PDE4D: variants seen among roughly 807,000 people sequenced by gnomAD.
The protein encoded by PDE4D is phosphodiesterase 4D.
In PDE4D, 24 loss-of-function variants were observed where a neutral mutation model predicts 87.4. The ratio of observed to expected loss-of-function variants is 0.27; its 90% CI spans 0.20 to 0.39. The LOEUF (loss-of-function observed/expected upper bound fraction) is 0.39. PDE4D is among the 10% of genes least tolerant of loss of function. The pLI is 1.00. For synonymous variants in PDE4D, 384 were observed against 383.2 expected (o/e 1.00, Z -0.02); for missense variants, 714 against 1,041.0 (o/e 0.69, Z 4.32).
intron 1 of PDE4D, among the ~76,000 whole-genome samples, chr5:59,535,462 A>T (rs1815027426): frequency 6.6e-6 from 1 of 152,198 alleles, no homozygotes; most frequent in Non-Finnish European, 1.5e-5. Flanking sequence ...ATCTGTTGTG[A>T]TGCTAATGAA....
At chr5:60,427,934 A>AGG (rs1022168618) in intron 1 of PDE4D, among the ~76,000 whole-genome samples, 3 of 151,914 alleles carry the variant, frequency 2.0e-5, no homozygotes, top group African/African-American at 7.3e-5. Flanking sequence ...AAAATTAACT[A>AGG]GGTGTGGTGG....
At chr5:59,633,587 C>T (rs1831849465) in intron 1 of PDE4D, among the ~76,000 whole-genome samples, 1 of 152,204 alleles carries the variant, frequency 6.6e-6, no homozygotes, top group Non-Finnish European at 1.5e-5. Flanking sequence ...CAATATTCAA[C>T]ATTCTTAAAG....
intron 5 of PDE4D, chr5:59,063,108 A>G (rs1381344806): frequency 1.3e-5 from 2 of 152,184 alleles, no homozygotes; most frequent in Non-Finnish European, 2.9e-5. Flanking sequence ...TGGCCCATGG[A>G]GTACAACCAC....
chr5:60,378,400 C>T (rs1228421537), intron 1 of PDE4D, among the ~76,000 whole-genome samples: 5 of 152,142 alleles, frequency 3.3e-5, no homozygotes, highest in African/African-American at 1.2e-4. Flanking sequence ...CGTTCAATAT[C>T]CTCTAATCAC....
At chr5:60,474,556 A>C (rs1748160854) in intron 1 of PDE4D, among the ~76,000 whole-genome samples, 1 of 152,200 alleles carries the variant, frequency 6.6e-6, no homozygotes, top group East Asian at 1.9e-4. Flanking sequence ...GGCTGGTAAA[A>C]ATGTGGTTTT....
intron 1 of PDE4D, among the ~76,000 whole-genome samples, chr5:59,510,336 A>G (rs1306771770): frequency 5.9e-5 from 9 of 151,660 alleles, no homozygotes; most frequent in Admixed American, 5.9e-4. Flanking sequence ...CAAAAAAGTA[A>G]AGGAAAATAA....
At chr5:59,580,186 T>C (rs2153699575) in intron 1 of PDE4D, among the ~76,000 whole-genome samples, 1 of 152,318 alleles carries the variant, frequency 6.6e-6, no homozygotes, top group East Asian at 1.9e-4. Context: ...TATATTGGGC[T>C]CTAAAATCAG....
intron 1 of PDE4D, among the ~76,000 whole-genome samples, chr5:59,259,842 C>T (rs1274837161): frequency 2.0e-5 from 3 of 151,732 alleles, no homozygotes; most frequent in Admixed American, 1.3e-4. Context: ...TCTATTACTC[C>T]TATTAGTCAG....
chr5:59,085,991 T>C (rs2153425894), intron 5 of PDE4D, among the ~76,000 whole-genome samples: 1 of 152,282 alleles, frequency 6.6e-6, no homozygotes, highest in Admixed American at 6.5e-5. Flanking sequence ...ATGTTGTATA[T>C]ATAAAATCAC....
intron 1 of PDE4D, among the ~76,000 whole-genome samples, chr5:59,222,965 G>A (rs937089433): frequency 6.6e-6 from 1 of 152,052 alleles, no homozygotes; most frequent in African/African-American, 2.4e-5. Flanking sequence ...TTTCTCCCAG[G>A]GAGATCTTCA....
chr5:59,016,376 A>T (rs1434617286), intron 6 of PDE4D, among the ~76,000 whole-genome samples: 4 of 127,966 alleles, frequency 3.1e-5, no homozygotes, highest in South Asian at 2.5e-4. Flanking sequence ...TGAGCCCTAG[A>T]TTATCAGTCT....
At position 58,970,076 on chromosome 5, in the gene PDE4D, A is replaced by G. The variant is rs1401974960; in HGVS notation, c.*4588T>C. The G allele has an allele frequency of 6.6e-6, 1 of 152,166 alleles. No homozygotes were observed. Among genetic ancestry groups the G allele is most frequent in the East Asian group, 1.9e-4 (1 of 5,184 alleles). 9.4% of individuals were successfully genotyped at this position (152,166 alleles called of 1,614,324 possible). ...GTAAAAGATTGAGTCATAAATAGGC[A>G]GAATCAACCCATGCTTTTATTTTCA... On this transcript the variant is annotated 3_prime_UTR_variant, in exon 15 of 15. Coordinates refer to ENST00000340635, the MANE Select transcript of PDE4D (RefSeq NM_001104631.2).
intron 1 of PDE4D, among the ~76,000 whole-genome samples, chr5:59,682,954 GA>G (rs1313629788): frequency 6.6e-6 from 1 of 152,130 alleles, no homozygotes; most frequent in African/African-American, 2.4e-5. Flanking sequence ...AAAGAGACAT[GA>G]CAACTGATTG....
intron 1 of PDE4D, among the ~76,000 whole-genome samples, chr5:59,362,409 T>C (rs1007770875): frequency 3.3e-5 from 5 of 152,168 alleles, no homozygotes; most frequent in African/African-American, 1.2e-4. Flanking sequence ...TGTGTAAGAA[T>C]AAAATATTAG....
At chr5:59,297,563 AT>A (rs1030847892) in intron 1 of PDE4D, among the ~76,000 whole-genome samples, 5 of 151,724 alleles carry the variant, frequency 3.3e-5, no homozygotes, top group East Asian at 1.9e-4. Context: ...TCATATGTGA[AT>A]TTTTTTTTAA....
chr5:59,216,890 TC>T (rs1246221132), intron 1 of PDE4D: 1 of 191,502 alleles, frequency 5.2e-6, no homozygotes, highest in Non-Finnish European at 1.1e-5. Flanking sequence ...ACTTTCCCAC[TC>T]CCTAATGACA....
At chr5:60,303,508 C>T (rs1037186594) in intron 1 of PDE4D, among the ~76,000 whole-genome samples, 30 of 151,552 alleles carry the variant, frequency 2.0e-4, no homozygotes, top group Non-Finnish European at 3.8e-4. Context: ...GGGGTTTCAC[C>T]GTGTTAGCCA....
At chr5:60,452,081 C>A (rs1421784032) in intron 1 of PDE4D, among the ~76,000 whole-genome samples, 1 of 151,966 alleles carries the variant, frequency 6.6e-6, no homozygotes. Flanking sequence ...TTTCTTATTC[C>A]TTCTCTTGGA....
rs368673281 is a variant in PDE4D, at chr5:59,764,897, T to G, written c.455+128271A>C. On this transcript the variant is annotated intron_variant, in intron 1 of 14. Transcript: ENST00000340635. ...GTCTCAAACTCCTGAGCTCAGGGACTCCGCCCTCCTCAGCCTCCCAAAGTG... is the reference window on the plus strand; with the variant it reads ...GTCTCAAACTCCTGAGCTCAGGGACGCCGCCCTCCTCAGCCTCCCAAAGTG... Among the ~76,000 whole-genome samples the G allele has an allele frequency of 3.9e-5, 6 of 152,194 alleles. No homozygotes were observed. In the East Asian group the frequency reaches 9.7e-4, roughly 25 times the overall value.
Sources: allele counts gnomAD v4.1 joint callset (sites outside exome capture counted in the v4.1 genomes callset), GRCh38; gene constraint gnomAD v4.1.1; transcripts MANE v1.5; gene names NCBI Gene and HGNC (gene_info 2026-07-23, HGNC 2026-07-21).